The following NCK2 variants were observed in gnomAD, a reference collection of about 807,000 sequenced individuals.
The protein encoded by NCK2 is cytoplasmic protein NCK2.
A neutral mutation model predicts 33.9 loss-of-function variants in NCK2; 16 were observed. The ratio of observed to expected loss-of-function variants is 0.47; its 90% CI spans 0.32 to 0.72. The LOEUF is 0.72. NCK2 is among the 30% of genes least tolerant of loss of function. The pLI, the probability that NCK2 is intolerant of heterozygous loss-of-function variation, is 0.03. For missense variants in NCK2, 418 were observed against 537.3 expected (o/e 0.78, Z 2.19); for synonymous variants, 273 against 239.9 (o/e 1.14, Z -1.27).
At chr2:105,863,972 G>A (rs892471321) in intron 3 of NCK2, among the ~76,000 whole-genome samples, 14 of 146,662 alleles carry the variant, frequency 9.5e-5, no homozygotes, top group African/African-American at 3.2e-4. Context: ...GACTTGGCGA[G>A]GGGGGGTGGG....
chr2:105,844,390 A>G (rs1205712592), intron 2 of NCK2, among the ~76,000 whole-genome samples: 1 of 152,078 alleles, frequency 6.6e-6, no homozygotes, highest in Non-Finnish European at 1.5e-5. Flanking sequence ...TATCATACTA[A>G]TGTAATATGT....
At chr2:105,820,626 G>C (rs1675690074) in intron 2 of NCK2, among the ~76,000 whole-genome samples, 1 of 152,210 alleles carries the variant, frequency 6.6e-6, no homozygotes, top group African/African-American at 2.4e-5. Context: ...AAGGCCACCA[G>C]AGTTGTCATT....
At chr2:105,770,251 A>G (rs1435123364) in intron 1 of NCK2, among the ~76,000 whole-genome samples, 1 of 152,208 alleles carries the variant, frequency 6.6e-6, no homozygotes, top group Non-Finnish European at 1.5e-5. Context: ...TATTCTGGAC[A>G]GAATTCTTTT....
intron 2 of NCK2, among the ~76,000 whole-genome samples, chr2:105,819,164 G>A (rs535506939): frequency 7.2e-5 from 11 of 152,160 alleles, no homozygotes; most frequent in Non-Finnish European, 1.6e-4. Flanking sequence ...GCCATTGTTG[G>A]CTCTTCTAGC....
At chr2:105,841,723 CA>C (rs1573188416) in intron 2 of NCK2, among the ~76,000 whole-genome samples, 2 of 152,316 alleles carry the variant, frequency 1.3e-5, no homozygotes, top group East Asian at 3.9e-4. Context: ...TGCCAGCCAC[CA>C]GTCACCTCAT....
chr2:105,778,290 C>T (rs1209500393), intron 1 of NCK2, among the ~76,000 whole-genome samples: 1 of 152,222 alleles, frequency 6.6e-6, no homozygotes, highest in Non-Finnish European at 1.5e-5. Context: ...TGCCAACATC[C>T]TGGAGGCATG....
intron 3 of NCK2, among the ~76,000 whole-genome samples, chr2:105,869,099 A>G (rs547525972): frequency 6.6e-6 from 1 of 152,130 alleles, no homozygotes. Context: ...GGCTCCTCTC[A>G]TAGACCCACA....
chr2:105,892,184 C>G (rs76098715), intron 4 of NCK2, among the ~76,000 whole-genome samples: 2 of 137,538 alleles, frequency 1.5e-5, no homozygotes, highest in African/African-American at 5.4e-5. Flanking sequence ...AACTGCGTCT[C>G]AAAAAAAAAA....
chr2:105,784,735 T>C (rs2104410263), intron 1 of NCK2, among the ~76,000 whole-genome samples: 1 of 152,344 alleles, frequency 6.6e-6, no homozygotes, highest in Non-Finnish European at 1.5e-5. Flanking sequence ...GAGCAGTGTG[T>C]CTGTTGAGGT....
At position 105,874,632 on chromosome 2, in the gene NCK2, A is replaced by G. The variant is rs138223401; in HGVS notation, c.227-6696A>G. 2.4e-3 allele frequency among the ~76,000 whole-genome samples: 361 copies of G among 152,360 alleles called. 1 individual carries two copies. Among genetic ancestry groups the G allele is most frequent in the African/African-American group, 7.7e-3 (319 of 41,584 alleles). On this transcript the variant is annotated intron_variant, in intron 3 of 4. Transcript: ENST00000233154. ...AACGAATTGGCTTGAATATGTTTCCAAAGTACCAAGTTTGTTTGACGCTTC... is the reference window on the plus strand; with the variant it reads ...AACGAATTGGCTTGAATATGTTTCCGAAGTACCAAGTTTGTTTGACGCTTC...
intron 3 of NCK2, chr2:105,857,276 T>C (rs1255519622): frequency 1.3e-5 from 2 of 152,276 alleles, no homozygotes; most frequent in African/African-American, 4.8e-5. Flanking sequence ...GTTCAGCCAA[T>C]GCGTGTACTC....
chr2:105,748,053 C>G (rs1558819062), intron 1 of NCK2, among the ~76,000 whole-genome samples: 1 of 152,192 alleles, frequency 6.6e-6, no homozygotes, highest in East Asian at 1.9e-4. Context: ...CCCAGTGACA[C>G]ACATCCACAT....
At chr2:105,782,492 T>C (rs1043986246) in intron 1 of NCK2, among the ~76,000 whole-genome samples, 4 of 152,250 alleles carry the variant, frequency 2.6e-5, no homozygotes, top group Non-Finnish European at 4.4e-5. Context: ...CTTTAAATTC[T>C]ACACAAAATC....
At chr2:105,804,863 T>A (rs569346451) in intron 1 of NCK2, among the ~76,000 whole-genome samples, 3 of 152,358 alleles carry the variant, frequency 2.0e-5, no homozygotes, top group African/African-American at 7.2e-5. Context: ...GGATTCAGTG[T>A]GTCTTAGATT....
intron 1 of NCK2, among the ~76,000 whole-genome samples, chr2:105,803,813 T>C (rs73949313): frequency 0.011 from 1,677 of 152,332 alleles, 31 homozygotes; most frequent in African/African-American, 0.038. Flanking sequence ...TTTTATAAAC[T>C]GCAGATGTTC....
chr2:105,882,386 C>T (rs771023780), intron 4 of NCK2, among the ~76,000 whole-genome samples: 2 of 152,112 alleles, frequency 1.3e-5, no homozygotes, highest in Non-Finnish European at 2.9e-5. Context: ...GTAGAAGGCC[C>T]GAGTGATTTA....
chr2:105,860,293 G>T lies in NCK2; in HGVS notation c.226+5004G>T, dbSNP rs114692829. ...AGAGTGAGACCCTGTCTCAAAAAAT[G>T]AGCCATAAAAAAACAAAAACAACCA... is the stretch of plus-strand genomic sequence containing the variant. On this transcript the variant is annotated intron_variant, in intron 3 of 4. Coordinates refer to ENST00000233154, the MANE Select transcript of NCK2 (RefSeq NM_003581.5). 3.1e-3 allele frequency among the ~76,000 whole-genome samples: 473 copies of T among 152,060 alleles called. 1 individual carries two copies. The highest frequency in any genetic ancestry group is 0.01 in the African/African-American group (425 of 41,496).
intron 3 of NCK2, among the ~76,000 whole-genome samples, chr2:105,864,293 G>T (rs909568792): frequency 5.9e-5 from 9 of 152,116 alleles, no homozygotes; most frequent in African/African-American, 2.2e-4. Flanking sequence ...GTGACCCAGG[G>T]TGACATCCCA....
chr2:105,812,431 A>G (rs1452171888), intron 1 of NCK2, among the ~76,000 whole-genome samples: 1 of 152,182 alleles, frequency 6.6e-6, no homozygotes, highest in Non-Finnish European at 1.5e-5. Flanking sequence ...TTCTCTTCCA[A>G]GTGGTTCACT....
Sources: gnomAD v4.1 joint callset for allele counts (sites outside exome capture counted in the v4.1 genomes callset) on GRCh38, gnomAD v4.1.1 for gene constraint, MANE v1.5 for transcripts, NCBI Gene and HGNC (gene_info 2026-07-23, HGNC 2026-07-21) for gene names.